The following AFTPH variants were observed in gnomAD, a reference collection of about 807,000 sequenced individuals.
AFTPH encodes the protein aftiphilin protein.
A neutral mutation model predicts 72.5 loss-of-function variants in AFTPH; 7 were observed. That is an observed-to-expected ratio of 0.10 (90% CI 0.05 to 0.18). The LOEUF (loss-of-function observed/expected upper bound fraction) is 0.18. AFTPH is among the 10% of genes least tolerant of loss of function. The probability of loss-of-function intolerance (pLI) is 1.00; values close to 1 mark genes in which losing one functional copy is unlikely to be tolerated. For synonymous variants in AFTPH, 337 were observed against 370.1 expected, an observed-to-expected ratio of 0.91 and a Z score of 1.03; for missense variants, 979 against 1,060.5, an observed-to-expected ratio of 0.92 and a Z score of 1.07.
At chr2:64,554,568 T>G (rs1254990624) in intron 2 of AFTPH, among the ~76,000 whole-genome samples, 2 of 152,236 alleles carry the variant, frequency 1.3e-5, no homozygotes. Context: ...CTTGATAACT[T>G]TGAGACAGTA....
intron 1 of AFTPH, among the ~76,000 whole-genome samples, chr2:64,542,034 A>T (rs541840345): frequency 1.3e-5 from 2 of 152,324 alleles, no homozygotes; most frequent in East Asian, 3.9e-4. Flanking sequence ...AAATAAGTTT[A>T]GAGTGAAGCT....
chr2:64,557,801 C>T (rs1296526228), intron 2 of AFTPH, among the ~76,000 whole-genome samples: 1 of 152,204 alleles, frequency 6.6e-6, no homozygotes, highest in Admixed American at 6.5e-5. Flanking sequence ...TTTAGCTTTC[C>T]TTATAGATCT....
chr2:64,587,121 C>T (rs773212607), intron 8 of AFTPH, among the ~76,000 whole-genome samples: 6 of 152,140 alleles, frequency 3.9e-5, no homozygotes, highest in Non-Finnish European at 8.8e-5. Flanking sequence ...TTAACTCATC[C>T]TTGAAACATG....
intron 2 of AFTPH, among the ~76,000 whole-genome samples, chr2:64,561,684 GAAAA>G (rs1012265414): frequency 1.3e-5 from 2 of 148,798 alleles, no homozygotes; most frequent in Non-Finnish European, 3.0e-5. Context: ...CTCTTAAAAA[GAAAA>G]AAAAAATCAA....
At chr2:64,544,830 A>T (rs1670466421) in intron 1 of AFTPH, among the ~76,000 whole-genome samples, 1 of 152,270 alleles carries the variant, frequency 6.6e-6, no homozygotes, top group South Asian at 2.1e-4. Context: ...CTAAAGGGTA[A>T]GTTGGGTCAG....
intron 2 of AFTPH, 71 bp downstream of exon 2, chr2:64,553,480 A>G: frequency 6.8e-7 from 1 of 1,469,204 alleles, no homozygotes; most frequent in Non-Finnish European, 9.0e-7. Context: ...CAGCTTTTCA[A>G]AAAATATTTT....
chr2:64,552,507 G>C, exon 2 of AFTPH: 1 of 1,614,132 alleles, frequency 6.2e-7, no homozygotes, highest in East Asian at 2.2e-5. Context: ...TGATAATTCA[G>C]AAGCCATTAG....
chr2:64,530,765 T>C (rs189479413), intron 1 of AFTPH, among the ~76,000 whole-genome samples: 45 of 152,264 alleles, frequency 3.0e-4, no homozygotes, highest in Non-Finnish European at 5.6e-4. Flanking sequence ...AAATTTTCCT[T>C]AAAACATGCT....
intron 1 of AFTPH, among the ~76,000 whole-genome samples, chr2:64,526,691 CAGTT>C (rs1255111434): frequency 6.6e-6 from 1 of 152,248 alleles, no homozygotes; most frequent in South Asian, 2.1e-4. Context: ...ATCATTTTCT[CAGTT>C]TGTGCATATA....
chr2:64,571,707 T>C, intron 5 of AFTPH, among the ~76,000 whole-genome samples: 1 of 152,090 alleles, frequency 6.6e-6, no homozygotes, highest in South Asian at 2.1e-4. Context: ...TTTGTTTTTG[T>C]TTTTTTGGCC....
intron 6 of AFTPH, among the ~76,000 whole-genome samples, chr2:64,577,425 C>T (rs553575917): frequency 6.6e-6 from 1 of 152,302 alleles, no homozygotes; most frequent in African/African-American, 2.4e-5. Flanking sequence ...TACCATACCC[C>T]TGTTTGAGCA....
At chr2:64,570,913 C>CCT (rs1355434083) in intron 5 of AFTPH, among the ~76,000 whole-genome samples, 5 of 55,876 alleles carry the variant, frequency 8.9e-5, no homozygotes, top group Non-Finnish European at 1.6e-4. Flanking sequence ...TCTTTCCTCC[C>CCT]CTCCCCCCCC....
exon 1 of AFTPH, chr2:64,524,412 G>A (rs1319780156): frequency 2.5e-6 from 1 of 404,530 alleles, no homozygotes. Flanking sequence ...GGAAGAGGGC[G>A]GAGGGTAGTG....
chr2:64,585,129 A>G (rs183224207), intron 7 of AFTPH, among the ~76,000 whole-genome samples: 13 of 152,352 alleles, frequency 8.5e-5, no homozygotes, highest in East Asian at 7.7e-4. Flanking sequence ...GGAGTTTTCT[A>G]TAGCAGATAG....
intron 6 of AFTPH, among the ~76,000 whole-genome samples, chr2:64,574,040 G>C (rs1381311182): frequency 6.6e-6 from 1 of 152,118 alleles, no homozygotes; most frequent in African/African-American, 2.4e-5. Flanking sequence ...TTAATATAAA[G>C]TCTTCTCTCA....
chr2:64,552,926 A>G, exon 2 of AFTPH: 1 of 1,614,150 alleles, frequency 6.2e-7, no homozygotes. Context: ...TTGGGGATAT[A>G]AATGCTGTTT....
chr2:64,576,143 G>C (rs1672782679), intron 6 of AFTPH, among the ~76,000 whole-genome samples: 1 of 58,624 alleles, frequency 1.7e-5, no homozygotes, highest in South Asian at 5.5e-4. Context: ...TGAAATACGT[G>C]TGTGTGTGTG....
intron 1 of AFTPH, among the ~76,000 whole-genome samples, chr2:64,545,139 G>A (rs750495989): frequency 2.0e-5 from 3 of 151,882 alleles, no homozygotes; most frequent in African/African-American, 4.8e-5. Context: ...TTGGAAAAAA[G>A]CAATAGGTTA....
chr2:64,560,571 A>G (rs1399111009), intron 2 of AFTPH, among the ~76,000 whole-genome samples: 1 of 152,158 alleles, frequency 6.6e-6, no homozygotes, highest in Non-Finnish European at 1.5e-5. Flanking sequence ...TTTTTTGGTT[A>G]ACAGGAAGTA....
Sources: gnomAD v4.1 joint callset for allele counts (sites outside exome capture counted in the v4.1 genomes callset) on GRCh38, gnomAD v4.1.1 for gene constraint, MANE v1.5 for transcripts, NCBI Gene and HGNC (gene_info 2026-07-23, HGNC 2026-07-21) for gene names.